Variants in ZNF605 observed in about 807,000 individuals in gnomAD.
The protein encoded by ZNF605 is zinc finger protein 605.
Under a neutral mutation model 7.9 loss-of-function variants are expected in ZNF605, and 9 were observed. The ratio of observed to expected loss-of-function variants is 1.14; its 90% CI spans 0.68 to 1.98. The LOEUF (loss-of-function observed/expected upper bound fraction) is 1.98. Ranked by LOEUF, ZNF605 falls within the 30% of genes most tolerant of loss-of-function variation. The pLI, the probability that ZNF605 is intolerant of heterozygous loss-of-function variation, is 0.00. For missense variants in ZNF605, 673 were observed against 762.4 expected, an observed-to-expected ratio of 0.88 and a Z score of 1.38; for synonymous variants, 255 against 260.1, an observed-to-expected ratio of 0.98 and a Z score of 0.19.
intron 1 of ZNF605, among the ~76,000 whole-genome samples, chr12:132,950,804 T>C (rs977454251): frequency 1.6e-4 from 24 of 150,256 alleles, no homozygotes; most frequent in Non-Finnish European, 1.0e-4. Flanking sequence ...TGATACATCA[T>C]ACACAGAGAC....
At chr12:132,953,180 C>G (rs1298938507) in intron 1 of ZNF605, among the ~76,000 whole-genome samples, 3 of 152,212 alleles carry the variant, frequency 2.0e-5, no homozygotes, top group Non-Finnish European at 4.4e-5. Context: ...CTCACTCACC[C>G]CATGTGCCCC....
chr12:132,922,017 G>A lies in ZNF605; in HGVS notation c.*3356C>T, dbSNP rs1051250853. On this transcript the variant is annotated 3_prime_UTR_variant, in exon 5 of 5. Transcript: ENST00000360187. ...ATTTCCGGTGAGAACTGATGGGAAAGGTGGTGTGGATTCGTGGACGAAGTC... is the reference window on the plus strand; with the variant it reads ...ATTTCCGGTGAGAACTGATGGGAAAAGTGGTGTGGATTCGTGGACGAAGTC... 2 of 152,244 alleles carry A rather than the reference G, an allele frequency of 1.3e-5. No homozygotes were observed. The highest frequency in any genetic ancestry group is 2.9e-5 in the Non-Finnish European group (2 of 68,050). 9.4% of individuals were successfully genotyped at this position (152,244 alleles called of 1,614,324 possible). A position where few individuals can be genotyped will look rare whatever the true frequency, so the allele number is the denominator to read the frequency against.
Position 132,925,119 on chromosome 12 carries a change from CTA to C in ZNF605, c.*252_*253del, listed in dbSNP as rs1439925915. ...TAAAAGCTTCTCTACTATCACAACA[CTA>C]ATAAGGTTTTCACCTCAATGAGTCA... is the stretch of plus-strand genomic sequence containing the variant. On this transcript the variant is annotated 3_prime_UTR_variant, in exon 5 of 5. Transcript: ENST00000360187. 1 of 375,066 alleles carries C rather than the reference CTA, an allele frequency of 2.7e-6. No homozygotes were observed. Among genetic ancestry groups the C allele is most frequent in the African/African-American group, 2.1e-5 (1 of 47,958 alleles). The allele number at this position is 375,066 out of a possible 1,614,324, so 23.2% of individuals were successfully genotyped here.
At chr12:132,938,942 C>T (rs1317962051) in intron 3 of ZNF605, among the ~76,000 whole-genome samples, 2 of 152,140 alleles carry the variant, frequency 1.3e-5, no homozygotes, top group South Asian at 2.1e-4. Flanking sequence ...CAGTGCTGGC[C>T]CACCGGCGCT....
rs1054870541 is a variant in ZNF605 at position 132,941,164 on chromosome 12, A to G, written c.15+4457T>C. On this transcript the variant is annotated intron_variant, in intron 3 of 4. Transcript: ENST00000360187. This position sits in a 1 kb window ranked among gnomAD's most constrained non-coding sequence, Gnocchi z 5.1. ...CAGACTAAGATGTCTTCCACTCCGGAGCAAGCAGATATGTGACTGACCGCC... is the reference window on the plus strand; with the variant it reads ...CAGACTAAGATGTCTTCCACTCCGGGGCAAGCAGATATGTGACTGACCGCC... Among the ~76,000 whole-genome samples the G allele has an allele frequency of 1.3e-5, 2 of 152,080 alleles. No homozygotes were observed. Among genetic ancestry groups the G allele is most frequent in the Non-Finnish European group, 2.9e-5 (2 of 68,010 alleles).
At chr12:132,946,012 C>T (rs896480692) in intron 2 of ZNF605, among the ~76,000 whole-genome samples, 11 of 152,232 alleles carry the variant, frequency 7.2e-5, no homozygotes, top group Non-Finnish European at 1.0e-4. Flanking sequence ...GTCTGCAGTA[C>T]GCACGGAACT....
intron 3 of ZNF605, among the ~76,000 whole-genome samples, chr12:132,939,526 T>G (rs1230426562): frequency 2.0e-5 from 3 of 152,218 alleles, no homozygotes; most frequent in African/African-American, 7.2e-5. Context: ...AACCTGTGTG[T>G]GGAAACTCTG....
At chr12:132,953,572 G>A (rs961952824) in intron 1 of ZNF605, among the ~76,000 whole-genome samples, 3 of 152,016 alleles carry the variant, frequency 2.0e-5, no homozygotes, top group African/African-American at 4.8e-5. Flanking sequence ...GATTACAGGC[G>A]CCCACCACCA....
Position 132,926,986 on chromosome 12 carries a change from GACATTTCAA to G in ZNF605, c.304_312del (p.Leu102_Cys104del). The stretch of plus-strand genomic sequence containing the variant: ...TTTTTTGGAATAAGCAAATCAAAAG[GACATTTCAA>G]ACTTTTTTCTCCTGTGCCACATTTA... On this transcript the variant is annotated inframe_deletion, in exon 5 of 5. Coordinates refer to ENST00000360187, the MANE Select transcript of ZNF605 (RefSeq NM_183238.4). 1 of 1,612,132 alleles carries G rather than the reference GACATTTCAA, an allele frequency of 6.2e-7. No individual in the cohort carries two copies. Among genetic ancestry groups the G allele is most frequent in the Non-Finnish European group, 8.5e-7 (1 of 1,179,648 alleles).
chr12:132,926,762 G>C lies in ZNF605; in HGVS notation c.537C>G (p.Asn179Lys), dbSNP rs1952251951. 9.9e-6 allele frequency: 16 copies of C among 1,613,838 alleles called. No homozygotes were observed. The highest frequency in any genetic ancestry group is 1.4e-5 in the Non-Finnish European group (16 of 1,179,778). ...YLCMECGRFF[N>K]KKSQLVIHQR... Reference sequence around the variant, plus strand: ...GGTGTATAACAAGTTGTGACTTCTTGTTAAAAAATCTGCCACATTCCATGC... The same window carrying C: ...GGTGTATAACAAGTTGTGACTTCTTCTTAAAAAATCTGCCACATTCCATGC... Residue 179 changes from asparagine to lysine, a missense_variant, in exon 5 of 5, where the codon AAC (asparagine) becomes AAG (lysine). Coordinates refer to ENST00000360187, the MANE Select transcript of ZNF605 (RefSeq NM_183238.4).
At chr12:132,942,157 A>C (rs1179366761) in intron 3 of ZNF605, among the ~76,000 whole-genome samples, 7 of 152,228 alleles carry the variant, frequency 4.6e-5, no homozygotes, top group African/African-American at 1.4e-4. Flanking sequence ...TGGGACACAC[A>C]GGTAACAGAA....
chr12:132,944,340 G>A (rs1328731791), intron 3 of ZNF605, among the ~76,000 whole-genome samples: 3 of 152,172 alleles, frequency 2.0e-5, no homozygotes, highest in Non-Finnish European at 4.4e-5. Context: ...AGGAAAGGCA[G>A]GGAAAGGGTG....
intron 3 of ZNF605, among the ~76,000 whole-genome samples, chr12:132,934,703 TAAAA>T (rs1287567047): frequency 3.9e-5 from 1 of 25,500 alleles, no homozygotes. Flanking sequence ...AGATTCCGTC[TAAAA>T]AAAAAAAAAA....
At chr12:132,947,476 C>T (rs1230012076) in intron 2 of ZNF605, among the ~76,000 whole-genome samples, 1 of 151,984 alleles carries the variant, frequency 6.6e-6, no homozygotes, top group Non-Finnish European at 1.5e-5. Context: ...CCATCCCCAG[C>T]TAATTTTTGT....
At chr12:132,947,008 G>GT (rs111996453) in intron 2 of ZNF605, among the ~76,000 whole-genome samples, 2 of 90,302 alleles carry the variant, frequency 2.2e-5, no homozygotes, top group African/African-American at 6.4e-5. Context: ...TCACCCCCTT[G>GT]TTTTTTTTTG....
chr12:132,937,984 ATTTATTATTT>A, intron 3 of ZNF605, among the ~76,000 whole-genome samples: 1 of 151,958 alleles, frequency 6.6e-6, no homozygotes, highest in South Asian at 2.1e-4. Flanking sequence ...TTATTTATTT[ATTTATTATTT>A]ATTTGAGAGG....
chr12:132,938,371 A>G (rs1377836449), intron 3 of ZNF605, among the ~76,000 whole-genome samples: 2 of 144,468 alleles, frequency 1.4e-5, no homozygotes, highest in Non-Finnish European at 3.0e-5. Context: ...CACGATCTCG[A>G]CTCACTGCAA....
chr12:132,926,283 C>T lies in ZNF605; in HGVS notation c.1016G>A (p.Cys339Tyr), dbSNP rs1952246517. Residue 339 changes from cysteine to tyrosine, a missense_variant, in exon 5 of 5, where the codon TGT (cysteine) becomes TAT (tyrosine). Coordinates refer to ENST00000360187, the MANE Select transcript of ZNF605 (RefSeq NM_183238.4). ...GCTGAAGGCTTTTTGACACTCACCACATCCGTAAGGTTTCTTCCCTGTGTG... is the reference window on the plus strand; with the variant it reads ...GCTGAAGGCTTTTTGACACTCACCATATCCGTAAGGTTTCTTCCCTGTGTG... The part of the protein sequence containing the change: ...RTHTGKKPYG[C>Y]GECQKAFSRN... The T allele has an allele frequency of 3.7e-6, 6 of 1,614,140 alleles. No homozygotes were observed. Among genetic ancestry groups the T allele is most frequent in the Non-Finnish European group, 5.1e-6 (6 of 1,180,018 alleles).
Position 132,923,584 on chromosome 12 carries a change from TATC to T in ZNF605, c.*1786_*1788del, listed in dbSNP as rs1952221758. ...CCATTCTTTGTTCATGTGTATGTAT[TATC>T]TTTTTTTCTCAAGGTGTTTTAAAAG... On this transcript the variant is annotated 3_prime_UTR_variant, in exon 5 of 5. Transcript: ENST00000360187. The T allele has an allele frequency of 6.6e-6, 1 of 152,206 alleles. No individual in the cohort carries two copies. The highest frequency in any genetic ancestry group is 2.4e-5 in the African/African-American group (1 of 41,460). The allele number at this position is 152,206 out of a possible 1,614,324, so 9.4% of individuals were successfully genotyped here.
Sources: allele counts gnomAD v4.1 joint callset (sites outside exome capture counted in the v4.1 genomes callset), GRCh38; gene constraint gnomAD v4.1.1; non-coding constraint Gnocchi (gnomAD v3.1); transcripts MANE v1.5; gene names NCBI Gene and HGNC (gene_info 2026-07-23, HGNC 2026-07-21).